Variants in C2orf78 observed in about 807,000 individuals in gnomAD.
The protein encoded by C2orf78 is uncharacterized protein C2orf78.
A neutral mutation model predicts 21.4 loss-of-function variants in C2orf78; 12 were observed. That is an observed-to-expected ratio of 0.56 (90% confidence interval 0.36 to 0.91). The LOEUF (loss-of-function observed/expected upper bound fraction) is 0.91. Ranked by LOEUF, C2orf78 falls within the 40% of genes least tolerant of loss-of-function variation. The pLI is 0.01. For missense variants in C2orf78, 1,042 were observed against 1,092.4 expected (o/e 0.95, Z 0.65); for synonymous variants, 396 against 413.9 (o/e 0.96, Z 0.52).
intron 1 of C2orf78, 122 bp downstream of exon 1, chr2:73,784,528 C>A: frequency 1.6e-6 from 1 of 608,254 alleles, no homozygotes; most frequent in East Asian, 3.2e-5. Flanking sequence ...AGTAGAAATC[C>A]AGAGACCTCA....
intron 1 of C2orf78, among the ~76,000 whole-genome samples, chr2:73,813,228 A>G (rs1673123610): frequency 6.6e-6 from 1 of 152,220 alleles, no homozygotes; most frequent in South Asian, 2.1e-4. Context: ...CTAGGAAATA[A>G]TGTACGAAAC....
intron 1 of C2orf78, among the ~76,000 whole-genome samples, chr2:73,786,273 G>A (rs1287064013): frequency 6.6e-6 from 1 of 151,604 alleles, no homozygotes; most frequent in Non-Finnish European, 1.5e-5. Context: ...CTCCTACTTG[G>A]GAGGCTCAGG....
chr2:73,809,992 T>TA lies in C2orf78; in HGVS notation c.98-3478dup, dbSNP rs1464420084. Among the ~76,000 whole-genome samples the TA allele has an allele frequency of 2.7e-5, 4 of 150,732 alleles. No homozygotes were observed. The East Asian group carries it at 5.9e-4, about 22-fold the overall frequency. Reference sequence around the variant, plus strand: ...GGAGAATGACGAAATGATTTTAAAATAAAAAAATATATTTTAAATTTGAAA... The same window carrying TA: ...GGAGAATGACGAAATGATTTTAAAATAAAAAAAATATATTTTAAATTTGAAA... On this transcript the variant is annotated intron_variant, in intron 1 of 2. Transcript: ENST00000409561.
exon 2 of C2orf78, chr2:73,813,959 C>G (rs943906301): frequency 6.2e-7 from 1 of 1,613,906 alleles, no homozygotes; most frequent in Non-Finnish European, 8.5e-7. Context: ...AACTCAAATT[C>G]CAAATCAGCA....
At chr2:73,786,017 G>C (rs1672921235) in intron 1 of C2orf78, among the ~76,000 whole-genome samples, 1 of 151,804 alleles carries the variant, frequency 6.6e-6, no homozygotes, top group Admixed American at 6.6e-5. Context: ...TTGCACTCCA[G>C]CCTGGGCAAT....
intron 1 of C2orf78, among the ~76,000 whole-genome samples, chr2:73,807,983 C>G (rs1045981359): frequency 1.3e-5 from 2 of 151,062 alleles, no homozygotes; most frequent in African/African-American, 2.5e-5. Context: ...GGGCCGGGTG[C>G]GGTGGCTCCC....
exon 3 of C2orf78, chr2:73,816,054 C>G (rs1323160957): frequency 6.2e-7 from 1 of 1,613,894 alleles, no homozygotes; most frequent in Admixed American, 1.7e-5. Flanking sequence ...GAAGAAAAAT[C>G]AACCTGAGCT....
At position 73,815,109 on chromosome 2, in the gene C2orf78, T is replaced by C. The variant is rs372264850; in HGVS notation, c.886T>C (p.Leu296=). Reference sequence around the variant, plus strand: ...CCTGGGGATGGATACTTCCCTGGGATTGCAATCTCCAAGCCAGACATTTTG... The same window carrying C: ...CCTGGGGATGGATACTTCCCTGGGACTGCAATCTCCAAGCCAGACATTTTG... The change falls in exon 3 of 3, where the codon TTG becomes CTG. Residue 296 remains leucine, a synonymous_variant. Coordinates refer to ENST00000409561, the Ensembl canonical transcript of C2orf78. The C allele has an allele frequency of 5.6e-6, 9 of 1,613,640 alleles. No individual in the cohort carries two copies. The African/African-American group carries it at 6.7e-5, about 12-fold the overall frequency.
chr2:73,784,347 G>T lies in C2orf78; in HGVS notation c.38G>T (p.Ser13Ile). ...GCTTCAGCCACCCAGACATCCGCTA[G>T]TATCGTCTCTTCTTCCCTTCTATCT... Residue 13 changes from serine to isoleucine, a missense_variant, in exon 1 of 3, where the codon AGT (serine) becomes ATT (isoleucine). Ser to Ile is a moderately radical substitution (Grantham distance 142). Coordinates refer to ENST00000409561, the Ensembl canonical transcript of C2orf78. 2.5e-6 allele frequency: 3 copies of T among 1,218,664 alleles called. No homozygotes were observed. The South Asian group carries it at 3.9e-5, about 16-fold the overall frequency. 75.5% of individuals were successfully genotyped at this position (1,218,664 alleles called of 1,614,324 possible). A position where few individuals can be genotyped will look rare whatever the true frequency, so the allele number is the denominator to read the frequency against.
chr2:73,816,759 C>A (rs1673211111), exon 3 of C2orf78: 1 of 1,614,002 alleles, frequency 6.2e-7, no homozygotes, highest in Non-Finnish European at 8.5e-7. Flanking sequence ...AAATCAATTT[C>A]TAATCCAAGA....
At position 73,810,584 on chromosome 2, in the gene C2orf78, T is replaced by TTA. The variant is rs796468424; in HGVS notation, c.98-2884_98-2883dup. Among the ~76,000 whole-genome samples the TTA allele has an allele frequency of 1.1e-3, 158 of 140,034 alleles. 1 individual carries two copies. The highest frequency in any genetic ancestry group is 1.8e-3 in the Non-Finnish European group (118 of 65,740). The allele number at this position is 140,034 out of a possible 152,430, so 91.9% of individuals were successfully genotyped here. A position where few individuals can be genotyped will look rare whatever the true frequency, so the allele number is the denominator to read the frequency against. ...AATATATATGTATATTTTATGTATATTATATATATACATAAAATATATATA... is the reference window on the plus strand; with the variant it reads ...AATATATATGTATATTTTATGTATATTATATATATATACATAAAATATATATA... On this transcript the variant is annotated intron_variant, in intron 1 of 2. Transcript: ENST00000409561.
intron 1 of C2orf78, among the ~76,000 whole-genome samples, chr2:73,809,991 A>G (rs1417533646): frequency 6.6e-6 from 1 of 152,178 alleles, no homozygotes; most frequent in Non-Finnish European, 1.5e-5. Context: ...TGATTTTAAA[A>G]TAAAAAAATA....
Position 73,808,270 on chromosome 2 carries a change from A to G in C2orf78, c.98-5207A>G, listed in dbSNP as rs1673000450. Among the ~76,000 whole-genome samples the G allele has an allele frequency of 1.3e-5, 2 of 150,966 alleles. 1 individual carries two copies. Among genetic ancestry groups the G allele is most frequent in the African/African-American group, 5.0e-5 (2 of 40,322 alleles). ...CTCCATCTCACAAAAAATTCAATAA[A>G]ATAAAAAAGCAGCAGTAAATTCATT... On this transcript the variant is annotated intron_variant, in intron 1 of 2. Transcript: ENST00000409561.
chr2:73,807,965 C>G lies in C2orf78; in HGVS notation c.98-5512C>G, dbSNP rs542425295. Among the ~76,000 whole-genome samples, 91 of 151,112 alleles carry G rather than the reference C, an allele frequency of 6.0e-4. 8 individuals carry two copies. Among genetic ancestry groups the G allele is most frequent in the African/African-American group, 2.1e-3 (85 of 40,616 alleles). On this transcript the variant is annotated intron_variant, in intron 1 of 2. Transcript: ENST00000409561. ...AATCTCTTCCTTTGGCCCTTAAAAT[C>G]GGCAGTAGGGCCGGGTGCGGTGGCT... is the stretch of plus-strand genomic sequence containing the variant.
intron 1 of C2orf78, among the ~76,000 whole-genome samples, chr2:73,807,045 G>A (rs1672972570): frequency 6.9e-6 from 1 of 144,464 alleles, no homozygotes; most frequent in East Asian, 2.0e-4. Context: ...GCCGGGCATG[G>A]TGGCGAGTAC....
chr2:73,786,244 G>C (rs1291741600), intron 1 of C2orf78, among the ~76,000 whole-genome samples: 2 of 151,570 alleles, frequency 1.3e-5, no homozygotes, highest in South Asian at 2.1e-4. Context: ...GCTGGGTGTG[G>C]TGGCGTGCAC....
rs1342234847 is a variant in C2orf78, at chr2:73,813,596, CCAGCCATCAGCTCAGCATGGCTA to C, written c.229_251del (p.Ser77LeufsTer19). The C allele has an allele frequency of 6.2e-7, 1 of 1,614,064 alleles. No individual in the cohort carries two copies. On this transcript the variant is annotated frameshift_variant, in exon 2 of 3. Coordinates refer to ENST00000409561, the Ensembl canonical transcript of C2orf78. LOFTEE classifies it high-confidence loss of function. The stretch of plus-strand genomic sequence containing the variant: ...CTCCAACTTCTCCAGAGCCTCTGCT[CCAGCCATCAGCTCAGCATGGCTA>C]CAGCCATCAGCCTCTGGCACCTCCT...
chr2:73,814,037 G>A (rs1673143253), exon 2 of C2orf78: 1 of 1,613,926 alleles, frequency 6.2e-7, no homozygotes, highest in Non-Finnish European at 8.5e-7. Flanking sequence ...AGGCACACTG[G>A]GGCCTCAACT....
rs568477176 is a variant in C2orf78 at position 73,808,699 on chromosome 2, C to T, written c.98-4778C>T. ...CATCATTCTCCCACCAAACCAACTG[C>T]CACCTGGTAGAATCTTGGGGTTTCC... On this transcript the variant is annotated intron_variant, in intron 1 of 2. Transcript: ENST00000409561. 541 of 1,505,934 alleles carry T rather than the reference C, an allele frequency of 3.6e-4. 4 individuals are homozygous for T. In the Middle Eastern group the frequency reaches 0.011, roughly 31 times the overall value. The allele number at this position is 1,505,934 out of a possible 1,614,324, so 93.3% of individuals were successfully genotyped here.
Sources: gnomAD v4.1 joint callset for allele counts (sites outside exome capture counted in the v4.1 genomes callset) on GRCh38, gnomAD v4.1.1 for gene constraint, MANE v1.5 for transcripts, NCBI Gene and HGNC (gene_info 2026-07-23, HGNC 2026-07-21) for gene names.